The following GABRB1 variants were observed in gnomAD, a reference collection of about 807,000 sequenced individuals.
The protein encoded by GABRB1 is gamma-aminobutyric acid receptor subunit beta-1.
Under a neutral mutation model 51.6 loss-of-function variants are expected in GABRB1, and 17 were observed. That is an observed-to-expected ratio of 0.33 (90% confidence interval 0.23 to 0.49). The LOEUF (loss-of-function observed/expected upper bound fraction) is 0.49. Ranked by LOEUF, GABRB1 falls within the 20% of genes least tolerant of loss-of-function variation. The probability of loss-of-function intolerance (pLI) is 0.99; values close to 1 mark genes in which losing one functional copy is unlikely to be tolerated. For synonymous variants in GABRB1, 247 were observed against 218.9 expected, an observed-to-expected ratio of 1.13 and a Z score of -1.14; for missense variants, 410 against 600.6, an observed-to-expected ratio of 0.68 and a Z score of 3.32.
At chr4:47,081,827 A>G (rs116568298) in intron 3 of GABRB1, among the ~76,000 whole-genome samples, 3 of 152,246 alleles carry the variant, frequency 2.0e-5, no homozygotes, top group Admixed American at 1.3e-4. Flanking sequence ...CTGTGTAACA[A>G]GGCAGAATAC....
At chr4:47,124,854 G>A (rs1716042230) in intron 3 of GABRB1, among the ~76,000 whole-genome samples, 1 of 152,032 alleles carries the variant, frequency 6.6e-6, no homozygotes, top group African/African-American at 2.4e-5. Context: ...AAGACCACAG[G>A]ATTTATTAGA....
chr4:47,184,530 T>C (rs1719088958), intron 4 of GABRB1, among the ~76,000 whole-genome samples: 2 of 151,944 alleles, frequency 1.3e-5, no homozygotes, highest in African/African-American at 4.8e-5. Flanking sequence ...GCACTTCTTT[T>C]AGCACTACAC....
intron 5 of GABRB1, among the ~76,000 whole-genome samples, chr4:47,365,141 G>T (rs1188261160): frequency 1.3e-5 from 2 of 152,070 alleles, no homozygotes; most frequent in East Asian, 3.9e-4. Context: ...CCACCTCTCC[G>T]GTCCCTGTAT....
intron 3 of GABRB1, among the ~76,000 whole-genome samples, chr4:47,127,345 T>C (rs936116726): frequency 1.3e-5 from 2 of 151,768 alleles, no homozygotes; most frequent in African/African-American, 4.8e-5. Context: ...CACATATATG[T>C]ACGTATGCAT....
At chr4:47,337,545 C>T (rs1169980471) in intron 5 of GABRB1, among the ~76,000 whole-genome samples, 1 of 151,946 alleles carries the variant, frequency 6.6e-6, no homozygotes, top group East Asian at 1.9e-4. Flanking sequence ...TGGCTCACAC[C>T]TATAATTCCT....
intron 3 of GABRB1, among the ~76,000 whole-genome samples, chr4:47,034,339 A>T (rs1057204792): frequency 6.6e-6 from 1 of 152,192 alleles, no homozygotes; most frequent in African/African-American, 2.4e-5. Context: ...CTGTATAATT[A>T]GTTGTTCAAC....
At chr4:47,349,421 C>T (rs148176100) in intron 5 of GABRB1, among the ~76,000 whole-genome samples, 167 of 152,274 alleles carry the variant, frequency 1.1e-3, no homozygotes, top group African/African-American at 3.8e-3. Flanking sequence ...ACCTCCCTTA[C>T]CCATGGTTTC....
At chr4:47,097,820 T>C (rs1186179542) in intron 3 of GABRB1, among the ~76,000 whole-genome samples, 2 of 152,194 alleles carry the variant, frequency 1.3e-5, no homozygotes, top group Non-Finnish European at 2.9e-5. Context: ...AAACAGCATA[T>C]AGCTCCCAAC....
intron 5 of GABRB1, among the ~76,000 whole-genome samples, chr4:47,378,256 T>TG (rs1180004474): frequency 6.6e-6 from 1 of 152,146 alleles, no homozygotes; most frequent in African/African-American, 2.4e-5. Context: ...CCAGCACTGA[T>TG]GGGGGGACCC....
intron 4 of GABRB1, among the ~76,000 whole-genome samples, chr4:47,305,279 A>G (rs537204096): frequency 6.6e-6 from 1 of 152,246 alleles, no homozygotes; most frequent in Admixed American, 6.6e-5. Flanking sequence ...TCCAACTGAC[A>G]ATGATCTGTA....
At chr4:47,065,745 A>C (rs1200920264) in intron 3 of GABRB1, among the ~76,000 whole-genome samples, 1 of 152,122 alleles carries the variant, frequency 6.6e-6, no homozygotes. Flanking sequence ...CTTAAGGCTA[A>C]AAAAATAGGG....
chr4:47,227,011 T>C (rs566117548), intron 4 of GABRB1, among the ~76,000 whole-genome samples: 1 of 152,298 alleles, frequency 6.6e-6, no homozygotes, highest in African/African-American at 2.4e-5. Context: ...TATTTTGAAA[T>C]TGAAATAAAT....
At chr4:47,076,704 G>A (rs1727566511) in intron 3 of GABRB1, among the ~76,000 whole-genome samples, 1 of 152,158 alleles carries the variant, frequency 6.6e-6, no homozygotes, top group East Asian at 1.9e-4. Flanking sequence ...GCCTAACTCT[G>A]TGGTGCAATT....
At chr4:47,165,017 C>T (rs1039787139) in intron 4 of GABRB1, among the ~76,000 whole-genome samples, 45 of 152,138 alleles carry the variant, frequency 3.0e-4, no homozygotes, top group African/African-American at 9.9e-4. Context: ...AAATAAAGAA[C>T]GTCCATGATG....
chr4:47,349,797 G>C (rs994002632), intron 5 of GABRB1, among the ~76,000 whole-genome samples: 21 of 152,178 alleles, frequency 1.4e-4, no homozygotes, highest in Admixed American at 8.5e-4. Context: ...GTTCAAAATG[G>C]AATAGAGGAA....
intron 3 of GABRB1, among the ~76,000 whole-genome samples, chr4:47,123,823 TTATATTA>T (rs1376125065): frequency 1.1e-5 from 1 of 91,378 alleles, no homozygotes; most frequent in Non-Finnish European, 2.0e-5. Context: ...ATATATTATA[TTATATTA>T]TATATTATAT....
intron 4 of GABRB1, among the ~76,000 whole-genome samples, chr4:47,268,188 T>TA (rs1439452080): frequency 6.6e-6 from 1 of 151,960 alleles, no homozygotes; most frequent in Non-Finnish European, 1.5e-5. Context: ...ACTTCAAAAC[T>TA]AAAAAAAATT....
intron 5 of GABRB1, 43 bp from the exon 6 acceptor site, chr4:47,403,275 T>C (rs1360475847): frequency 6.2e-7 from 1 of 1,603,410 alleles, no homozygotes; most frequent in Admixed American, 1.7e-5. Flanking sequence ...TTCAAAATGA[T>C]TTCCTAAACT....
rs72109821 is a variant in GABRB1, at chr4:47,032,128, GCA to G, written c.172+155_172+156del. 9.0e-3 allele frequency: 5,242 copies of G among 579,600 alleles called. 17 individuals are homozygous for G. Among genetic ancestry groups the G allele is most frequent in the African/African-American group, 0.019 (963 of 50,468 alleles). The allele number at this position is 579,600 out of a possible 1,614,324, so 35.9% of individuals were successfully genotyped here. A position where few individuals can be genotyped will look rare whatever the true frequency, so the allele number is the denominator to read the frequency against. ...TTCGTAAGCGTGCACTATACCCTGG[GCA>G]CACACACACACACACACACACACAC... On this transcript the variant is annotated intron_variant, in intron 2 of 8. Coordinates refer to ENST00000295454, the MANE Select transcript of GABRB1 (RefSeq NM_000812.4).
Sources: gnomAD v4.1 joint callset for allele counts (sites outside exome capture counted in the v4.1 genomes callset) on GRCh38, gnomAD v4.1.1 for gene constraint, MANE v1.5 for transcripts, NCBI Gene and HGNC (gene_info 2026-07-23, HGNC 2026-07-21) for gene names.